Variants in RARA observed in about 807,000 individuals in gnomAD.
RARA encodes the protein retinoic acid receptor alpha.
In RARA, 5 loss-of-function variants were observed where a neutral mutation model predicts 42.8. That is an observed-to-expected ratio of 0.12 (90% CI 0.06 to 0.25). The LOEUF (loss-of-function observed/expected upper bound fraction) is 0.25. Among genes scored for constraint, RARA ranks in the 10% least tolerant of loss-of-function variants. The probability of loss-of-function intolerance (pLI) is 1.00; values close to 1 mark genes in which losing one functional copy is unlikely to be tolerated. For missense variants in RARA, 402 were observed against 628.7 expected (o/e 0.64, Z 3.86); for synonymous variants, 256 against 259.5 (o/e 0.99, Z 0.13).
intron 2 of RARA, chr17:40,340,810 G>A: frequency 2.5e-6 from 1 of 399,724 alleles, no homozygotes; most frequent in Non-Finnish European, 4.4e-6. Context: ...AAGGTGCTCA[G>A]AAAAATACCT....
In RARA at chr17:40,354,537, GCT is replaced by G; in HGVS notation, c.1012+32_1012+33del. On this transcript the variant is annotated intron_variant, in intron 7 of 8. Transcript: ENST00000254066. The surrounding 1 kb of genome is among the most constrained non-coding windows in gnomAD (Gnocchi z 4.5). Reference sequence around the variant, plus strand: ...CAGGGGGCCTGGGTCTGGGGGCTGGGCTGGGACGGGGGTGCAGCCCTGGAGTC... The same window carrying G: ...CAGGGGGCCTGGGTCTGGGGGCTGGGGGGACGGGGGTGCAGCCCTGGAGTC... 2 of 1,598,820 alleles carry G rather than the reference GCT, an allele frequency of 1.3e-6. No homozygotes were observed. The highest frequency in any genetic ancestry group is 2.2e-5 in the East Asian group (1 of 44,726).
In RARA at chr17:40,355,908, TATC is replaced by T; in HGVS notation, c.1172-99_1172-97del. The T allele has an allele frequency of 1.0e-6, 1 of 978,760 alleles. No homozygotes were observed. 60.6% of individuals were successfully genotyped at this position (978,760 alleles called of 1,614,324 possible). On this transcript the variant is annotated intron_variant, in intron 8 of 8. Coordinates refer to ENST00000254066, the MANE Select transcript of RARA (RefSeq NM_000964.4). The surrounding 1 kb of genome is among the most constrained non-coding windows in gnomAD (Gnocchi z 4.1). ...AACTGAATCCCAAGAAAGATGCTAA[TATC>T]AGCAGTATTGATCTTCCCACCTCGA...
chr17:40,355,444 G>T lies in RARA; in HGVS notation c.1171+23G>T. ...AGGGTGAGGCTCACAGACCTGGAGG[G>T]GTACCGGCCCCCGACACCTGGCCCA... On this transcript the variant is annotated intron_variant, in intron 8 of 8. Transcript: ENST00000254066. This position sits in a 1 kb window ranked among gnomAD's most constrained non-coding sequence, Gnocchi z 4.1. 2 of 1,596,848 alleles carry T rather than the reference G, an allele frequency of 1.3e-6. No individual in the cohort carries two copies. The highest frequency in any genetic ancestry group is 1.7e-6 in the Non-Finnish European group (2 of 1,167,772).
intron 2 of RARA, 148 bp downstream of exon 2, chr17:40,331,544 G>T: frequency 9.4e-7 from 1 of 1,064,912 alleles, no homozygotes; most frequent in Non-Finnish European, 1.3e-6. Flanking sequence ...CATCATTTGA[G>T]GTCTTAAAAA....
At chr17:40,317,582 G>C (rs897138594) in intron 1 of RARA, among the ~76,000 whole-genome samples, 3 of 140,572 alleles carry the variant, frequency 2.1e-5, no homozygotes, top group African/African-American at 7.6e-5. Context: ...GAGGAGAAGA[G>C]TACTTTAAGG....
chr17:40,310,408 A>G (rs1056541812), intron 1 of RARA, among the ~76,000 whole-genome samples: 2 of 151,834 alleles, frequency 1.3e-5, no homozygotes, highest in Admixed American at 6.6e-5. Flanking sequence ...GAGGGGGGTG[A>G]TAGAAGAGAC....
rs919308897 is a variant in RARA, at chr17:40,350,170, C to A, written c.469+245C>A. On this transcript the variant is annotated intron_variant, in intron 4 of 8. Transcript: ENST00000254066. ...CGTGTATGTGTAACCATTCCTGTTT[C>A]TGCACGTCTGGCTGTGTGTGCTTGC... 1.9e-5 allele frequency: 10 copies of A among 529,968 alleles called. No individual in the cohort carries two copies. The African/African-American group carries it at 1.9e-4, about 10-fold the overall frequency. The allele number at this position is 529,968 out of a possible 1,614,324, so 32.8% of individuals were successfully genotyped here. A position where few individuals can be genotyped will look rare whatever the true frequency, so the allele number is the denominator to read the frequency against.
rs1301972280 is a variant in RARA, at chr17:40,352,336, C to T, written c.636C>T (p.Asn212=). 7.5e-6 allele frequency: 12 copies of T among 1,600,464 alleles called. No individual in the cohort carries two copies. The highest frequency in any genetic ancestry group is 1.7e-5 in the Admixed American group (1 of 58,910). The change falls in exon 6 of 9, where the codon AAC becomes AAT. Residue 212 remains asparagine, a synonymous_variant. Coordinates refer to ENST00000254066, the MANE Select transcript of RARA (RefSeq NM_000964.4). The surrounding 1 kb of genome is among the most constrained non-coding windows in gnomAD (Gnocchi z 4.9). ...CACTCTCCCTCCTCCCCCAGAACAA[C>T]AGCTCAGAACAACGTGTCTCTCTGG... ...LCQLGKYTTN[N]SSEQRVSLDI... is the part of the protein sequence containing the mutation.
At chr17:40,340,801 A>T in intron 2 of RARA, 1 of 399,626 alleles carries the variant, frequency 2.5e-6, no homozygotes, top group Non-Finnish European at 4.4e-6. Flanking sequence ...TCCACATAGA[A>T]GGTGCTCAGA....
At chr17:40,333,048 A>T (rs926632032) in intron 2 of RARA, among the ~76,000 whole-genome samples, 3 of 151,952 alleles carry the variant, frequency 2.0e-5, no homozygotes, top group Admixed American at 1.3e-4. Context: ...TTTTATTTTT[A>T]TTTATTTATT....
rs1598550551 is a variant in RARA at position 40,331,240 on chromosome 17, T to C, written c.22T>C (p.Cys8Arg). The stretch of plus-strand genomic sequence containing the variant: ...TGGCATGGCCAGCAACAGCAGCTCC[T>C]GCCCGACACCTGGGGGCGGGCACCT... MASNSSS[C>R]PTPGGGHLNG... Residue 8 changes from cysteine (C) to arginine (R), a missense_variant, in exon 2 of 9, where the codon TGC becomes CGC. By Grantham distance (180) the Cys-to-Arg change is radical. Coordinates refer to ENST00000254066, the MANE Select transcript of RARA (RefSeq NM_000964.4). 6.2e-7 allele frequency: 1 copy of C among 1,612,898 alleles called. No homozygotes were observed. The highest frequency in any genetic ancestry group is 8.5e-7 in the Non-Finnish European group (1 of 1,179,754).
rs975601880 is a variant in RARA at position 40,357,532 on chromosome 17, C to A, written c.*1306C>A. 1.2e-4 allele frequency: 28 copies of A among 232,538 alleles called. No individual in the cohort carries two copies. Among genetic ancestry groups the A allele is most frequent in the African/African-American group, 6.0e-4 (27 of 45,248 alleles). The allele number at this position is 232,538 out of a possible 1,614,324, so 14.4% of individuals were successfully genotyped here. A position where few individuals can be genotyped will look rare whatever the true frequency, so the allele number is the denominator to read the frequency against. ...GCTGGGGGAGCTGGCTCTGCCCCGA[C>A]CTCCTTCACCAGGGGTTGGGGCCCC... On this transcript the variant is annotated 3_prime_UTR_variant, in exon 9 of 9. Coordinates refer to ENST00000254066, the MANE Select transcript of RARA (RefSeq NM_000964.4).
intron 1 of RARA, among the ~76,000 whole-genome samples, chr17:40,324,595 T>C (rs541317593): frequency 9.7e-4 from 148 of 152,284 alleles, no homozygotes; most frequent in African/African-American, 3.4e-3. Flanking sequence ...TGGTATCCAG[T>C]CACTGGTGAG....
rs2034492420 is a variant in RARA, at chr17:40,352,638, G to C, written c.807+131G>C. On this transcript the variant is annotated intron_variant, in intron 6 of 8. Transcript: ENST00000254066. This position sits in a 1 kb window ranked among gnomAD's most constrained non-coding sequence, Gnocchi z 4.9. The stretch of plus-strand genomic sequence containing the variant: ...CCAAATGCCCACCGCCCAAATGTCT[G>C]CCCTTCCTCTCCCCATATGTCCACC... 2.1e-5 allele frequency: 18 copies of C among 866,368 alleles called. 1 individual carries two copies. The South Asian group carries it at 3.7e-4, about 18-fold the overall frequency. The allele number at this position is 866,368 out of a possible 1,614,324, so 53.7% of individuals were successfully genotyped here. A position where few individuals can be genotyped will look rare whatever the true frequency, so the allele number is the denominator to read the frequency against.
chr17:40,353,828 C>T (rs2034529327), intron 6 of RARA, among the ~76,000 whole-genome samples: 1 of 152,140 alleles, frequency 6.6e-6, no homozygotes, highest in Non-Finnish European at 1.5e-5. Flanking sequence ...GCAGGAGGTG[C>T]CGTCTGGGTT....
intron 3 of RARA, chr17:40,348,811 C>T (rs1001019231): frequency 9.8e-5 from 19 of 194,310 alleles, no homozygotes; most frequent in African/African-American, 3.0e-4. Flanking sequence ...AGGCCTCCCC[C>T]GGCGGCCCTG....
In RARA at chr17:40,356,990, C is replaced by T. The variant is rs2034654457; in HGVS notation, c.*764C>T. On this transcript the variant is annotated 3_prime_UTR_variant, in exon 9 of 9. Transcript: ENST00000254066. Reference sequence around the variant, plus strand: ...ACTGTGAAGTACTAACTTTCCAAGGCCTGCCTTCCCCTCCCTCCCACTGGA... The same window carrying T: ...ACTGTGAAGTACTAACTTTCCAAGGTCTGCCTTCCCCTCCCTCCCACTGGA... 1.0e-5 allele frequency: 4 copies of T among 384,306 alleles called. No homozygotes were observed. Among genetic ancestry groups the T allele is most frequent in the African/African-American group, 2.1e-5 (1 of 47,538 alleles). 23.8% of individuals were successfully genotyped at this position (384,306 alleles called of 1,614,324 possible).
intron 1 of RARA, among the ~76,000 whole-genome samples, chr17:40,313,890 G>C (rs74453681): frequency 0.032 from 4,903 of 152,150 alleles, 97 homozygotes; most frequent in South Asian, 0.049. Flanking sequence ...AGGCTGTTTA[G>C]CCTGTCAACT....
intron 2 of RARA, chr17:40,342,601 G>T: frequency 6.9e-7 from 1 of 1,443,128 alleles, no homozygotes; most frequent in South Asian, 1.4e-5. Flanking sequence ...GCGAGGGGAC[G>T]TCTCCTCTCC....
Sources: gnomAD v4.1 joint callset for allele counts (sites outside exome capture counted in the v4.1 genomes callset) on GRCh38, gnomAD v4.1.1 for gene constraint, Gnocchi (gnomAD v3.1) non-coding constraint, MANE v1.5 for transcripts, NCBI Gene and HGNC (gene_info 2026-07-23, HGNC 2026-07-21) for gene names.